QTMAN: variants seen among roughly 807,000 people sequenced by gnomAD.
The protein encoded by QTMAN is queuosine-tRNA mannosyltransferase.
the QTMAN span, among the ~76,000 whole-genome samples, chr2:144,011,290 C>CT: frequency 2.0e-4 from 31 of 152,150 alleles, no homozygotes; most frequent in African/African-American, 7.5e-4. Flanking sequence ...TTGAATTAGG[C>CT]TGAACAAATG....
At chr2:144,041,224 C>T in the QTMAN span, among the ~76,000 whole-genome samples, 228 of 152,196 alleles carry the variant, frequency 1.5e-3, no homozygotes, top group African/African-American at 5.3e-3. Flanking sequence ...ACTGTGATAA[C>T]CAAGCTGAAT....
the QTMAN span, among the ~76,000 whole-genome samples, chr2:144,137,057 A>G: frequency 6.6e-6 from 1 of 152,130 alleles, no homozygotes; most frequent in Non-Finnish European, 1.5e-5. Flanking sequence ...GGTCACTGAA[A>G]ACTGAAGGAT....
the QTMAN span, among the ~76,000 whole-genome samples, chr2:144,186,755 T>G: frequency 1.3e-5 from 2 of 152,254 alleles, no homozygotes; most frequent in Non-Finnish European, 2.9e-5. Context: ...AACCTGTTAT[T>G]GATTTTCTTC....
chr2:144,159,831 A>G, the QTMAN span, among the ~76,000 whole-genome samples: 1 of 152,134 alleles, frequency 6.6e-6, no homozygotes, highest in Admixed American at 6.6e-5. Flanking sequence ...TGTAATAAGA[A>G]AAGCTGCAAA....
chr2:144,077,726 A>T, the QTMAN span, among the ~76,000 whole-genome samples: 95 of 152,330 alleles, frequency 6.2e-4, no homozygotes, highest in African/African-American at 2.1e-3. Context: ...AATGATTGTT[A>T]TCTTACTAGC....
chr2:144,182,836 T>TATATTATATATATAATATATAC, the QTMAN span, among the ~76,000 whole-genome samples: 3 of 69,304 alleles, frequency 4.3e-5, no homozygotes, highest in Non-Finnish European at 7.7e-5. Context: ...ATAATATATA[T>TATATTATATATATAATATATAC]ATATTATATA....
chr2:144,195,093 G>A, the QTMAN span, among the ~76,000 whole-genome samples: 3 of 151,912 alleles, frequency 2.0e-5, no homozygotes, highest in Non-Finnish European at 2.9e-5. Context: ...TGTAAAACAG[G>A]TGATAATAGA....
At chr2:144,087,924 T>C in the QTMAN span, among the ~76,000 whole-genome samples, 1 of 151,986 alleles carries the variant, frequency 6.6e-6, no homozygotes, top group African/African-American at 2.4e-5. Flanking sequence ...TCCATTCTTA[T>C]TCAACATAGT....
the QTMAN span, among the ~76,000 whole-genome samples, chr2:144,156,326 T>C: frequency 6.6e-6 from 1 of 152,110 alleles, no homozygotes; most frequent in East Asian, 1.9e-4. Context: ...ATTACAAGGG[T>C]ACCACTGAAT....
the QTMAN span, among the ~76,000 whole-genome samples, chr2:144,116,186 T>TA: frequency 3.8e-4 from 57 of 150,538 alleles, no homozygotes; most frequent in Middle Eastern, 3.4e-3. Flanking sequence ...CTAGTAAATT[T>TA]AAAAAAAAAT....
chr2:144,115,535 G>A, the QTMAN span, among the ~76,000 whole-genome samples: 4 of 152,296 alleles, frequency 2.6e-5, no homozygotes, highest in African/African-American at 9.6e-5. Flanking sequence ...GAAGAGTGAT[G>A]ATCCACCAGG....
the QTMAN span, chr2:143,938,768 T>C: frequency 6.6e-6 from 1 of 152,208 alleles, no homozygotes; most frequent in Admixed American, 6.5e-5. Context: ...ATTATTTACA[T>C]CCAGTATTAA....
chr2:144,265,633 T>G, the QTMAN span, among the ~76,000 whole-genome samples: 1 of 150,388 alleles, frequency 6.6e-6, no homozygotes, highest in Non-Finnish European at 1.5e-5. Context: ...GAGGCGGAGG[T>G]TGCAGTGAGC....
the QTMAN span, among the ~76,000 whole-genome samples, chr2:144,108,313 T>C: frequency 6.6e-6 from 1 of 152,150 alleles, no homozygotes; most frequent in Non-Finnish European, 1.5e-5. Flanking sequence ...GGAAGTCAAA[T>C]TGTTCCTGTT....
At chr2:143,991,594 G>A in the QTMAN span, among the ~76,000 whole-genome samples, 7 of 141,046 alleles carry the variant, frequency 5.0e-5, no homozygotes, top group East Asian at 2.2e-4. Context: ...CAGCCGCCTC[G>A]TCCGGGAGGT....
At chr2:144,299,695 G>C in the QTMAN span, among the ~76,000 whole-genome samples, 283 of 152,276 alleles carry the variant, frequency 1.9e-3, no homozygotes, top group Middle Eastern at 6.8e-3. Context: ...ATACAAAATG[G>C]TGCAGCCACT....
chr2:144,110,959 C>T, the QTMAN span, among the ~76,000 whole-genome samples: 1 of 152,128 alleles, frequency 6.6e-6, no homozygotes, highest in Admixed American at 6.6e-5. Flanking sequence ...CCTAGGGGAA[C>T]TATTTCCTAC....
At chr2:144,011,832 G>T in the QTMAN span, 1 of 638,908 alleles carries the variant, frequency 1.6e-6, no homozygotes, top group Non-Finnish European at 1.9e-6. Context: ...GAAGAGAAAA[G>T]GTCCCGAGGT....
chr2:143,993,352 C>T, the QTMAN span, among the ~76,000 whole-genome samples: 1 of 151,072 alleles, frequency 6.6e-6, no homozygotes, highest in Non-Finnish European at 1.5e-5. Context: ...CCCCAAAAGA[C>T]ATCTGCATCT....
Sources: allele counts gnomAD v4.1 joint callset (sites outside exome capture counted in the v4.1 genomes callset), GRCh38; gene constraint gnomAD v4.1.1; transcripts MANE v1.5; gene names NCBI Gene and HGNC (gene_info 2026-07-23, HGNC 2026-07-21).